Variants in ASIC2 observed in about 807,000 individuals in gnomAD.
ASIC2 encodes acid-sensing ion channel 2.
ASIC2 carries 25 observed loss-of-function variants against 57.3 expected under a neutral mutation model. That is an observed-to-expected ratio of 0.44 (90% CI 0.32 to 0.61). The LOEUF is 0.61. ASIC2 is among the 20% of genes least tolerant of loss of function. The pLI, the probability that ASIC2 is intolerant of heterozygous loss-of-function variation, is 0.06. For synonymous variants in ASIC2, 319 were observed against 307.5 expected (o/e 1.04, Z -0.39); for missense variants, 641 against 738.1 (o/e 0.87, Z 1.52).
chr17:33,580,589 C>T (rs1205041263), intron 1 of ASIC2, among the ~76,000 whole-genome samples: 1 of 152,054 alleles, frequency 6.6e-6, no homozygotes, highest in Non-Finnish European at 1.5e-5. Flanking sequence ...GCTCCCTGCA[C>T]CTATCAGGTT....
At chr17:33,581,984 C>T (rs927612978) in intron 1 of ASIC2, among the ~76,000 whole-genome samples, 9 of 152,184 alleles carry the variant, frequency 5.9e-5, no homozygotes, top group East Asian at 1.9e-4. Context: ...CCTCAGATTC[C>T]GTGTCCCCAC....
intron 1 of ASIC2, among the ~76,000 whole-genome samples, chr17:33,446,335 GACATGAA>G (rs2141987245): frequency 6.6e-6 from 1 of 152,236 alleles, no homozygotes; most frequent in Non-Finnish European, 1.5e-5. Context: ...TTTAGTGGTT[GACATGAA>G]ACTAAAATTT....
chr17:33,637,974 T>A (rs895286634), intron 1 of ASIC2, among the ~76,000 whole-genome samples: 4 of 152,106 alleles, frequency 2.6e-5, no homozygotes, highest in African/African-American at 9.7e-5. Context: ...TGGAAAATGG[T>A]TCTTGTGTAC....
At chr17:33,225,258 T>C (rs1907835065) in intron 1 of ASIC2, among the ~76,000 whole-genome samples, 2 of 152,226 alleles carry the variant, frequency 1.3e-5, no homozygotes, top group South Asian at 4.1e-4. Context: ...CAACAGGTGA[T>C]GGTTCAGCAC....
At chr17:33,298,907 G>T (rs1597672260) in intron 1 of ASIC2, among the ~76,000 whole-genome samples, 2 of 152,172 alleles carry the variant, frequency 1.3e-5, no homozygotes, top group East Asian at 1.9e-4. Flanking sequence ...TCTTCAAGGA[G>T]AACTACAAAC....
At chr17:34,032,571 T>C (rs1412708784) in intron 1 of ASIC2, among the ~76,000 whole-genome samples, 11 of 152,082 alleles carry the variant, frequency 7.2e-5, no homozygotes, top group African/African-American at 1.9e-4. Flanking sequence ...GACTGGCAAA[T>C]TGGATAAAGA....
At chr17:33,405,271 G>C (rs1196648617) in intron 1 of ASIC2, among the ~76,000 whole-genome samples, 1 of 152,134 alleles carries the variant, frequency 6.6e-6, no homozygotes, top group African/African-American at 2.4e-5. Context: ...GTAGGGGGCT[G>C]CTTTGGATGT....
At chr17:33,014,494 C>T (rs571257353) in intron 9 of ASIC2, among the ~76,000 whole-genome samples, 124 of 151,958 alleles carry the variant, frequency 8.2e-4, no homozygotes, top group African/African-American at 6.8e-4. Context: ...CAAGCAGAAA[C>T]GGTAGAAGGC....
At chr17:33,414,138 A>G (rs1225785910) in intron 1 of ASIC2, among the ~76,000 whole-genome samples, 1 of 152,176 alleles carries the variant, frequency 6.6e-6, no homozygotes, top group African/African-American at 2.4e-5. Flanking sequence ...ACTTAAGACC[A>G]ACACAAGGAA....
chr17:33,326,839 T>C (rs1206147165), intron 1 of ASIC2, among the ~76,000 whole-genome samples: 1 of 152,244 alleles, frequency 6.6e-6, no homozygotes, highest in Non-Finnish European at 1.5e-5. Context: ...TCTTTTACTT[T>C]GTTCCTTTCT....
chr17:33,640,774 TA>T (rs1228921579), intron 1 of ASIC2, among the ~76,000 whole-genome samples: 1 of 121,192 alleles, frequency 8.3e-6, no homozygotes, highest in African/African-American at 2.5e-5. Flanking sequence ...TAGTTATCTC[TA>T]GAGTCCCTCG....
chr17:33,662,668 T>TAAATACATAAAA lies in ASIC2; in HGVS notation c.555+493309_555+493310insTTTTATGTATTT, dbSNP rs530248877. Among the ~76,000 whole-genome samples, 804 of 128,098 alleles carry TAAATACATAAAA rather than the reference T, an allele frequency of 6.3e-3. 14 individuals are homozygous for TAAATACATAAAA. The East Asian group carries it at 0.072, about 12-fold the overall frequency. The allele number at this position is 128,098 out of a possible 152,430, so 84.0% of individuals were successfully genotyped here. On this transcript the variant is annotated intron_variant, in intron 1 of 9. Coordinates refer to the ASIC2 transcript ENST00000359872. The stretch of plus-strand genomic sequence containing the variant: ...ATAAATAAATAAATAAATAAATAAA[T>TAAATACATAAAA]AAGTAAAATAAAAAATGAAGTAAGT...
chr17:33,386,029 C>A (rs141684851), intron 1 of ASIC2, among the ~76,000 whole-genome samples: 22 of 152,334 alleles, frequency 1.4e-4, no homozygotes, highest in Non-Finnish European at 2.9e-4. Flanking sequence ...ATACACATAA[C>A]GTGATATTTA....
intron 1 of ASIC2, among the ~76,000 whole-genome samples, chr17:33,460,187 G>C (rs1428329056): frequency 6.6e-6 from 1 of 152,136 alleles, no homozygotes; most frequent in African/African-American, 2.4e-5. Context: ...TTAGCTTCGG[G>C]TATTGACCCC....
intron 1 of ASIC2, among the ~76,000 whole-genome samples, chr17:34,034,515 A>T (rs914040539): frequency 1.3e-5 from 2 of 152,210 alleles, no homozygotes; most frequent in African/African-American, 4.8e-5. Context: ...TGGCCAGGGC[A>T]ATCAGGCAGG....
At chr17:33,767,662 T>C (rs973246172) in intron 1 of ASIC2, among the ~76,000 whole-genome samples, 3 of 152,222 alleles carry the variant, frequency 2.0e-5, no homozygotes, top group Non-Finnish European at 4.4e-5. Context: ...TAAAGTAAAG[T>C]TTCTATCTGA....
rs117135677 is a variant in ASIC2, at chr17:33,567,599, C to T, written c.556-455532G>A. ...AGGGAGAAGCGTGGCAGGCCTGGGG[C>T]CTCCTGTGGAGGGAGAGTCAATAGG... On this transcript the variant is annotated intron_variant, in intron 1 of 9. Transcript: ENST00000359872. 1.4e-4 allele frequency among the ~76,000 whole-genome samples: 22 copies of T among 152,174 alleles called. No individual in the cohort carries two copies. In the East Asian group the frequency reaches 3.1e-3, roughly 21 times the overall value.
chr17:33,038,640 A>G (rs1460798033), intron 3 of ASIC2, among the ~76,000 whole-genome samples: 1 of 152,230 alleles, frequency 6.6e-6, no homozygotes, highest in Non-Finnish European at 1.5e-5. Flanking sequence ...GCTTAAATTT[A>G]TGAACAGAGC....
At chr17:33,456,982 T>C (rs1178030045) in intron 1 of ASIC2, among the ~76,000 whole-genome samples, 1 of 152,180 alleles carries the variant, frequency 6.6e-6, no homozygotes, top group Non-Finnish European at 1.5e-5. Flanking sequence ...CAGAAGAGGA[T>C]GGGCTTCAAT....
Sources: gnomAD v4.1 joint callset for allele counts (sites outside exome capture counted in the v4.1 genomes callset) on GRCh38, gnomAD v4.1.1 for gene constraint, MANE v1.5 for transcripts, NCBI Gene and HGNC (gene_info 2026-07-23, HGNC 2026-07-21) for gene names.